The following SPTBN1 variants were observed in gnomAD, a reference collection of about 807,000 sequenced individuals.
The protein encoded by SPTBN1 is spectrin beta chain, non-erythrocytic 1.
Under a neutral mutation model 266.4 loss-of-function variants are expected in SPTBN1, and 32 were observed. The observed-to-expected ratio is 0.12, with a 90% CI of 0.09 to 0.16. The LOEUF (loss-of-function observed/expected upper bound fraction) is 0.16. SPTBN1 is among the 10% of genes least tolerant of loss of function. The pLI, the probability that SPTBN1 is intolerant of heterozygous loss-of-function variation, is 1.00. For missense variants in SPTBN1, 2,296 were observed against 3,067.1 expected (o/e 0.75, Z 5.94); for synonymous variants, 1,336 against 1,162.2 (o/e 1.15, Z -3.04).
chr2:54,659,908 T>G, intron 31 of SPTBN1, 28 bp from the exon 32 acceptor site: 4 of 1,609,416 alleles, frequency 2.5e-6, no homozygotes, highest in Non-Finnish European at 3.4e-6. Context: ...TTCCTTTCCC[T>G]TCCTCCTTTT....
chr2:54,592,321 T>G (rs1675734711), intron 2 of SPTBN1, among the ~76,000 whole-genome samples: 2 of 152,176 alleles, frequency 1.3e-5, no homozygotes, highest in Admixed American at 6.5e-5. Flanking sequence ...TCACAGCCCT[T>G]TTTTTTAACC....
chr2:54,606,731 C>T (rs1447530263), intron 3 of SPTBN1, among the ~76,000 whole-genome samples: 1 of 152,202 alleles, frequency 6.6e-6, no homozygotes, highest in African/African-American at 2.4e-5. Context: ...TCTGTGACTG[C>T]TGGCGGGGAG....
intron 1 of SPTBN1, among the ~76,000 whole-genome samples, chr2:54,487,915 C>T (rs13007109): frequency 0.13 from 18,611 of 142,252 alleles, 1,382 homozygotes; most frequent in Non-Finnish European, 0.17. Flanking sequence ...CTGCAAGCTC[C>T]GCCTCCCAGG....
At chr2:54,522,126 G>A (rs1439264425) in intron 1 of SPTBN1, among the ~76,000 whole-genome samples, 2 of 149,852 alleles carry the variant, frequency 1.3e-5, no homozygotes, top group Non-Finnish European at 3.0e-5. Context: ...GGTCTTTAAC[G>A]CCTGGGCTCA....
chr2:54,555,714 G>A (rs1206504527), intron 2 of SPTBN1, among the ~76,000 whole-genome samples: 1 of 152,170 alleles, frequency 6.6e-6, no homozygotes, highest in African/African-American at 2.4e-5. Flanking sequence ...TTTCCTCCCA[G>A]CCTGACGGTT....
chr2:54,568,128 C>G (rs1168650583), intron 2 of SPTBN1, among the ~76,000 whole-genome samples: 1 of 152,142 alleles, frequency 6.6e-6, no homozygotes, highest in Non-Finnish European at 1.5e-5. Context: ...ACGCCTTAAT[C>G]CCAGCACTTT....
At chr2:54,532,625 T>C (rs1373027029) in intron 2 of SPTBN1, among the ~76,000 whole-genome samples, 1 of 152,190 alleles carries the variant, frequency 6.6e-6, no homozygotes, top group Non-Finnish European at 1.5e-5. Flanking sequence ...CACAGTGAAG[T>C]AGTTTTTATG....
At chr2:54,616,548 A>G (rs575509078) in intron 5 of SPTBN1, among the ~76,000 whole-genome samples, 4 of 152,342 alleles carry the variant, frequency 2.6e-5, no homozygotes, top group South Asian at 4.1e-4. Flanking sequence ...AGAGAGCATT[A>G]TATTTTGAAT....
At chr2:54,547,123 C>T (rs982654140) in intron 2 of SPTBN1, among the ~76,000 whole-genome samples, 2 of 152,124 alleles carry the variant, frequency 1.3e-5, no homozygotes, top group East Asian at 1.9e-4. Context: ...TAACTCACCA[C>T]GTTCCCCTTC....
At chr2:54,465,377 G>C (rs1421523768) in intron 1 of SPTBN1, among the ~76,000 whole-genome samples, 1 of 152,110 alleles carries the variant, frequency 6.6e-6, no homozygotes, top group Non-Finnish European at 1.5e-5. Context: ...ACTGGAGCTA[G>C]TTTGTAACCA....
At chr2:54,476,826 G>A (rs372372936) in intron 1 of SPTBN1, among the ~76,000 whole-genome samples, 1 of 152,162 alleles carries the variant, frequency 6.6e-6, no homozygotes, top group East Asian at 1.9e-4. Context: ...CAAATTGCAG[G>A]CAGTGTTTTT....
chr2:54,644,275 T>C, intron 19 of SPTBN1, 48 bp from the exon 20 acceptor site: 3 of 1,574,226 alleles, frequency 1.9e-6, no homozygotes, highest in Non-Finnish European at 2.6e-6. Flanking sequence ...TGACATTTTT[T>C]CTGTAGCAAA....
intron 1 of SPTBN1, among the ~76,000 whole-genome samples, chr2:54,473,645 A>G (rs1489452708): frequency 6.6e-6 from 1 of 152,122 alleles, no homozygotes; most frequent in Non-Finnish European, 1.5e-5. Context: ...CTCATGTGAA[A>G]ATATATTTTG....
intron 1 of SPTBN1, among the ~76,000 whole-genome samples, chr2:54,523,557 T>G (rs1670616269): frequency 6.6e-6 from 1 of 152,238 alleles, no homozygotes; most frequent in South Asian, 2.1e-4. Flanking sequence ...TTATTTAAGG[T>G]GCAGTTAATT....
chr2:54,631,850 A>G (rs574233520), intron 16 of SPTBN1, among the ~76,000 whole-genome samples: 44 of 152,268 alleles, frequency 2.9e-4, no homozygotes, highest in South Asian at 6.2e-4. Context: ...TTTGATTTCA[A>G]CTGCCATTGA....
chr2:54,540,723 A>G lies in SPTBN1; in HGVS notation c.148+14157A>G, dbSNP rs561611518. 2.0e-5 allele frequency: 3 copies of G among 152,316 alleles called. No individual in the cohort carries two copies. In the South Asian group the frequency reaches 6.2e-4, roughly 32 times the overall value. The allele number at this position is 152,316 out of a possible 1,614,324, so 9.4% of individuals were successfully genotyped here. A position where few individuals can be genotyped will look rare whatever the true frequency, so the allele number is the denominator to read the frequency against. The stretch of plus-strand genomic sequence containing the variant: ...TCATCATTAGCCTGGAGTACATGTT[A>G]GCAGTTGAAGTTTGAGAATTTCATG... On this transcript the variant is annotated intron_variant, in intron 2 of 35. Coordinates refer to ENST00000356805, the MANE Select transcript of SPTBN1 (RefSeq NM_003128.3). This position sits in a 1 kb window ranked among gnomAD's most constrained non-coding sequence, Gnocchi z 5.6.
chr2:54,604,659 T>TA (rs1358743845), intron 3 of SPTBN1, among the ~76,000 whole-genome samples: 2 of 152,216 alleles, frequency 1.3e-5, no homozygotes, highest in African/African-American at 4.8e-5. Context: ...GATGTTTATG[T>TA]AGCCCCTTAA....
rs1673028862 is a variant in SPTBN1, at chr2:54,558,417, C to T, written c.148+31851C>T. ...GAGGTGTGCGCGCTGCGCCCGCGAG[C>T]TCCCGGGCTCGGCAACCGTGGCATG... On this transcript the variant is annotated intron_variant, in intron 2 of 35. Transcript: ENST00000356805. This position sits in a 1 kb window ranked among gnomAD's most constrained non-coding sequence, Gnocchi z 4.6. 2.9e-6 allele frequency: 3 copies of T among 1,018,362 alleles called. No homozygotes were observed. Among genetic ancestry groups the T allele is most frequent in the Non-Finnish European group, 3.5e-6 (3 of 851,604 alleles). 63.1% of individuals were successfully genotyped at this position (1,018,362 alleles called of 1,614,324 possible). A position where few individuals can be genotyped will look rare whatever the true frequency, so the allele number is the denominator to read the frequency against.
rs142485741 is a variant in SPTBN1 at position 54,485,046 on chromosome 2, G to A, written c.-48+28528G>A. 6.1e-3 allele frequency among the ~76,000 whole-genome samples: 932 copies of A among 152,196 alleles called. 5 individuals are homozygous for A. The highest frequency in any genetic ancestry group is 0.01 in the Non-Finnish European group (686 of 68,006). ...TTATCACACAGTGTGTAGACCATGC[G>A]CCTATGAACTTGAAGTTTGCACAGA... On this transcript the variant is annotated intron_variant, in intron 1 of 35. Coordinates refer to ENST00000356805, the MANE Select transcript of SPTBN1 (RefSeq NM_003128.3).
Sources: allele counts gnomAD v4.1 joint callset (sites outside exome capture counted in the v4.1 genomes callset), GRCh38; gene constraint gnomAD v4.1.1; non-coding constraint Gnocchi (gnomAD v3.1); transcripts MANE v1.5; gene names NCBI Gene and HGNC (gene_info 2026-07-23, HGNC 2026-07-21).